RIC1: variants seen among roughly 807,000 people sequenced by gnomAD.
The protein encoded by RIC1 is RIC1 partner of RAB6A GEF complex.
A neutral mutation model predicts 169.0 loss-of-function variants in RIC1; 88 were observed. That is an observed-to-expected ratio of 0.52 (90% CI 0.44 to 0.62). RIC1 has a LOEUF of 0.62. Ranked by LOEUF, RIC1 falls within the 20% of genes least tolerant of loss-of-function variation. RIC1 has a pLI of 0.00. For missense variants in RIC1, 1,877 were observed against 1,725.5 expected (o/e 1.09, Z -1.56); for synonymous variants, 790 against 601.5 (o/e 1.31, Z -4.59).
At chr9:5,769,621 G>A (rs2131137818) in intron 22 of RIC1, 1 of 420,696 alleles carries the variant, frequency 2.4e-6, no homozygotes, top group South Asian at 3.1e-5. Context: ...TCATTCCAGG[G>A]GAACAGTAAG....
chr9:5,647,252 G>A (rs937363831), intron 1 of RIC1, among the ~76,000 whole-genome samples: 33 of 152,240 alleles, frequency 2.2e-4, no homozygotes, highest in South Asian at 4.1e-4. Flanking sequence ...AATGTGAGAC[G>A]TCCAACTTTG....
At chr9:5,629,518 C>T (rs1817613354) in intron 1 of RIC1, 65 bp downstream of exon 1, 10 of 1,477,924 alleles carry the variant, frequency 6.8e-6, no homozygotes, top group South Asian at 2.6e-5. Flanking sequence ...GTCCCACCCC[C>T]AACTTCCACC....
chr9:5,735,875 T>G (rs1446718094), intron 7 of RIC1, among the ~76,000 whole-genome samples: 1 of 152,232 alleles, frequency 6.6e-6, no homozygotes, highest in Non-Finnish European at 1.5e-5. Flanking sequence ...TCAAGTTGTT[T>G]CAGTATTAAT....
chr9:5,657,115 T>C (rs185316942), intron 2 of RIC1, among the ~76,000 whole-genome samples: 337 of 152,304 alleles, frequency 2.2e-3, no homozygotes, highest in South Asian at 8.1e-3. Context: ...TGAAGTCTTA[T>C]CTAGTTTTTT....
At chr9:5,632,903 C>G (rs1817785745) in intron 1 of RIC1, among the ~76,000 whole-genome samples, 2 of 152,100 alleles carry the variant, frequency 1.3e-5, no homozygotes, top group Non-Finnish European at 2.9e-5. Flanking sequence ...TATAGACATT[C>G]TCGTTTTTCA....
At position 5,763,036 on chromosome 9, in the gene RIC1, ATAT is replaced by A. The variant is rs1001428206; in HGVS notation, c.2113-100_2113-98del. 6.0e-5 allele frequency: 82 copies of A among 1,376,208 alleles called. 1 individual carries two copies. The highest frequency in any genetic ancestry group is 5.2e-4 in the Middle Eastern group (2 of 3,816). The allele number at this position is 1,376,208 out of a possible 1,614,324, so 85.2% of individuals were successfully genotyped here. A position where few individuals can be genotyped will look rare whatever the true frequency, so the allele number is the denominator to read the frequency against. On this transcript the variant is annotated intron_variant, in intron 18 of 25. Coordinates refer to ENST00000414202, the MANE Select transcript of RIC1 (RefSeq NM_020829.4). The surrounding 1 kb of genome is among the most constrained non-coding windows in gnomAD (Gnocchi z 5.2). ...AGATCCCTTTGCTTTTCCCAAAAAAATATTATACTATCATTTGAAAGACTTAGT... is the reference window on the plus strand; with the variant it reads ...AGATCCCTTTGCTTTTCCCAAAAAAATATACTATCATTTGAAAGACTTAGT...
chr9:5,769,408 C>T (rs772024307), intron 22 of RIC1, 152 bp downstream of exon 22: 131 of 1,564,410 alleles, frequency 8.4e-5, no homozygotes, highest in Non-Finnish European at 1.1e-4. Context: ...GTTGGAATGC[C>T]CACTGTTTGA....
chr9:5,769,458 T>C (rs766103916), intron 22 of RIC1: 232 of 1,469,798 alleles, frequency 1.6e-4, no homozygotes, highest in Non-Finnish European at 2.0e-4. Flanking sequence ...TCTCTAAGTC[T>C]TGTGACCTTG....
intron 2 of RIC1, 85 bp from the exon 3 acceptor site, chr9:5,689,874 G>T (rs1821491550): frequency 2.2e-6 from 2 of 928,818 alleles, no homozygotes; most frequent in South Asian, 1.7e-5. Context: ...ATTTTTTTTC[G>T]AAGTAAGAAT....
chr9:5,645,856 G>C (rs143672612), intron 1 of RIC1, among the ~76,000 whole-genome samples: 3 of 152,022 alleles, frequency 2.0e-5, no homozygotes, highest in African/African-American at 7.2e-5. Context: ...ATGCTGCTGT[G>C]AACATGGGTA....
At chr9:5,712,405 A>G (rs960079022) in intron 3 of RIC1, among the ~76,000 whole-genome samples, 1 of 152,144 alleles carries the variant, frequency 6.6e-6, no homozygotes, top group African/African-American at 2.4e-5. Flanking sequence ...TGAAGAGGCA[A>G]CCTACAGAAT....
intron 3 of RIC1, among the ~76,000 whole-genome samples, chr9:5,708,757 T>C (rs946931897): frequency 6.6e-6 from 1 of 152,170 alleles, no homozygotes; most frequent in African/African-American, 2.4e-5. Context: ...TGGAGTTTCT[T>C]GGAAGAAAGA....
chr9:5,742,864 A>T lies in RIC1; in HGVS notation c.902-5A>T, dbSNP rs750405313. The T allele has an allele frequency of 1.4e-5, 22 of 1,608,838 alleles. No homozygotes were observed. The African/African-American group carries it at 3.0e-4, about 22-fold the overall frequency. ...TTTTTAACTCTTCTCACTATTTCCT[A>T]ACAGACATTTGGAATAAAACAGGAG... On this transcript the variant is annotated splice_region_variant and splice_polypyrimidine_tract_variant and intron_variant, in intron 8 of 25. Coordinates refer to ENST00000414202, the MANE Select transcript of RIC1 (RefSeq NM_020829.4).
intron 1 of RIC1, among the ~76,000 whole-genome samples, chr9:5,656,344 C>G (rs986520484): frequency 6.6e-6 from 1 of 152,036 alleles, no homozygotes; most frequent in Non-Finnish European, 1.5e-5. Flanking sequence ...AGTCCTGGTT[C>G]TTTCTGTTTT....
In RIC1 at chr9:5,656,698, G is replaced by T. The variant is rs1398587200; in HGVS notation, c.252+8G>T. 6.8e-7 allele frequency: 1 copy of T among 1,461,834 alleles called. No individual in the cohort carries two copies. Among genetic ancestry groups the T allele is most frequent in the Non-Finnish European group, 9.5e-7 (1 of 1,052,092 alleles). The allele number at this position is 1,461,834 out of a possible 1,614,324, so 90.6% of individuals were successfully genotyped here. ...ACCATGATAGCTGTATCAGTAAGTA[G>T]ATTTTACCGCTAAATAGTGTTTTCT... is the stretch of plus-strand genomic sequence containing the variant. On this transcript the variant is annotated splice_region_variant and intron_variant, in intron 2 of 25. Transcript: ENST00000414202.
intron 23 of RIC1, 76 bp from the exon 24 acceptor site, chr9:5,772,488 C>A (rs904859743): frequency 1.7e-6 from 2 of 1,180,000 alleles, no homozygotes; most frequent in African/African-American, 1.6e-5. Context: ...ATCTGAGGAA[C>A]AGCTAATATT....
chr9:5,716,440 C>T (rs1469573806), intron 4 of RIC1, among the ~76,000 whole-genome samples: 2 of 152,104 alleles, frequency 1.3e-5, no homozygotes, highest in African/African-American at 2.4e-5. Flanking sequence ...TAGTGAAACC[C>T]TGTCTCTACT....
At chr9:5,654,380 G>T (rs1363517177) in intron 1 of RIC1, among the ~76,000 whole-genome samples, 4 of 152,182 alleles carry the variant, frequency 2.6e-5, no homozygotes, top group Admixed American at 2.6e-4. Flanking sequence ...CCGAGTAGCT[G>T]GGATTACAGG....
intron 23 of RIC1, 22 bp downstream of exon 23, chr9:5,770,300 A>G (rs754946667): frequency 6.3e-7 from 1 of 1,596,278 alleles, no homozygotes; most frequent in African/African-American, 1.3e-5. Context: ...TTTAAATCCT[A>G]GCTCTTCAGT....
Sources: gnomAD v4.1 joint callset for allele counts (sites outside exome capture counted in the v4.1 genomes callset) on GRCh38, gnomAD v4.1.1 for gene constraint, Gnocchi (gnomAD v3.1) non-coding constraint, MANE v1.5 for transcripts, NCBI Gene and HGNC (gene_info 2026-07-23, HGNC 2026-07-21) for gene names.